The following SOX5 variants were observed in gnomAD, a reference collection of about 807,000 sequenced individuals.
SOX5 encodes the protein transcription factor SOX-5.
A neutral mutation model predicts 92.0 loss-of-function variants in SOX5; 9 were observed. That is an observed-to-expected ratio of 0.10 (90% CI 0.06 to 0.17). The LOEUF (loss-of-function observed/expected upper bound fraction) is 0.17, where lower values mean the gene tolerates loss of function less well. Among genes scored for constraint, SOX5 ranks in the 10% least tolerant of loss-of-function variants. The probability of loss-of-function intolerance (pLI) is 1.00; values close to 1 mark genes in which losing one functional copy is unlikely to be tolerated. For synonymous variants in SOX5, 344 were observed against 336.3 expected (o/e 1.02, Z -0.25); for missense variants, 642 against 944.5 (o/e 0.68, Z 4.20).
At chr12:23,970,558 C>T (rs527841969) in intron 4 of SOX5, among the ~76,000 whole-genome samples, 2 of 151,566 alleles carry the variant, frequency 1.3e-5, no homozygotes, top group East Asian at 3.9e-4. Flanking sequence ...GTATTTTTCT[C>T]TTGGTGTCTG....
chr12:24,187,825 A>T (rs369370506), intron 4 of SOX5, among the ~76,000 whole-genome samples: 22 of 152,308 alleles, frequency 1.4e-4, no homozygotes, highest in African/African-American at 5.3e-4. Flanking sequence ...ATCTCATAGA[A>T]TATGGGAAGC....
intron 1 of SOX5, among the ~76,000 whole-genome samples, chr12:24,443,511 T>C (rs933962030): frequency 6.6e-6 from 1 of 152,258 alleles, no homozygotes; most frequent in African/African-American, 2.4e-5. Flanking sequence ...GACAATTTAC[T>C]TCTTTACATA....
chr12:24,541,364 G>T (rs904310457), intron 1 of SOX5, among the ~76,000 whole-genome samples: 1 of 152,136 alleles, frequency 6.6e-6, no homozygotes, highest in Non-Finnish European at 1.5e-5. Context: ...GAAAATAAAC[G>T]AAGAAATGTC....
chr12:24,010,440 C>T (rs979913235), intron 4 of SOX5, among the ~76,000 whole-genome samples: 4 of 152,054 alleles, frequency 2.6e-5, no homozygotes, highest in African/African-American at 7.2e-5. Context: ...ATCTGATCCC[C>T]GTAAGAAAAA....
chr12:23,699,386 A>G (rs982282038), intron 6 of SOX5, among the ~76,000 whole-genome samples: 3 of 152,164 alleles, frequency 2.0e-5, no homozygotes, highest in East Asian at 3.9e-4. Context: ...TCTGGTTCCT[A>G]TATCTCTAAC....
intron 10 of SOX5, among the ~76,000 whole-genome samples, chr12:23,574,602 T>G (rs76673913): frequency 6.6e-6 from 1 of 152,162 alleles, no homozygotes; most frequent in African/African-American, 2.4e-5. Flanking sequence ...ATGTAACTTA[T>G]TCTTGTCCTA....
At chr12:24,392,744 A>G (rs1959125803) in intron 1 of SOX5, among the ~76,000 whole-genome samples, 1 of 152,194 alleles carries the variant, frequency 6.6e-6, no homozygotes, top group African/African-American at 2.4e-5. Context: ...TATTACTGGC[A>G]TTTATATTAA....
intron 1 of SOX5, among the ~76,000 whole-genome samples, chr12:23,912,665 A>C (rs1484883141): frequency 6.6e-6 from 1 of 152,212 alleles, no homozygotes; most frequent in Non-Finnish European, 1.5e-5. Flanking sequence ...ATAAAAAGGA[A>C]TGAAGTACTG....
At chr12:23,874,737 G>A (rs542220843) in intron 2 of SOX5, among the ~76,000 whole-genome samples, 22 of 152,262 alleles carry the variant, frequency 1.4e-4, no homozygotes, top group African/African-American at 4.8e-4. Flanking sequence ...ATACTCTCAT[G>A]GAGGGATATT....
intron 8 of SOX5, among the ~76,000 whole-genome samples, chr12:23,616,007 A>G (rs1289575211): frequency 6.6e-6 from 1 of 152,206 alleles, no homozygotes; most frequent in Non-Finnish European, 1.5e-5. Flanking sequence ...TGAATTTTTT[A>G]TATACTTACA....
At chr12:23,570,784 G>T (rs1299183252) in intron 10 of SOX5, among the ~76,000 whole-genome samples, 2 of 150,454 alleles carry the variant, frequency 1.3e-5, no homozygotes, top group East Asian at 1.9e-4. Context: ...GGTGGCAGGT[G>T]CCTATAGTCC....
intron 8 of SOX5, among the ~76,000 whole-genome samples, chr12:23,612,536 T>C (rs555247534): frequency 6.6e-6 from 1 of 152,246 alleles, no homozygotes; most frequent in South Asian, 2.1e-4. Flanking sequence ...TAATAGCACC[T>C]CCCAGGTCAA....
intron 7 of SOX5, among the ~76,000 whole-genome samples, chr12:23,660,961 A>C: frequency 6.6e-6 from 1 of 152,108 alleles, no homozygotes; most frequent in East Asian, 1.9e-4. Flanking sequence ...TAGCTACACC[A>C]CCCTGGGAAC....
intron 4 of SOX5, among the ~76,000 whole-genome samples, chr12:23,970,385 T>C (rs1166782345): frequency 6.6e-6 from 1 of 152,178 alleles, no homozygotes; most frequent in Non-Finnish European, 1.5e-5. Flanking sequence ...ACTACCACTA[T>C]CTGTTCTCGA....
intron 1 of SOX5, among the ~76,000 whole-genome samples, chr12:23,938,697 T>C (rs1229038485): frequency 6.6e-6 from 1 of 151,010 alleles, no homozygotes; most frequent in Non-Finnish European, 1.5e-5. Flanking sequence ...ATGTCCTATA[T>C]ATAAAATGAC....
intron 8 of SOX5, among the ~76,000 whole-genome samples, chr12:23,614,346 T>A (rs1194441713): frequency 6.6e-6 from 1 of 152,224 alleles, no homozygotes; most frequent in Non-Finnish European, 1.5e-5. Flanking sequence ...ACATTCCTTT[T>A]ACTTCTCTTT....
intron 3 of SOX5, among the ~76,000 whole-genome samples, chr12:23,807,848 A>C (rs1232688180): frequency 6.6e-6 from 1 of 151,792 alleles, no homozygotes; most frequent in African/African-American, 2.4e-5. Context: ...GGGTTTCACT[A>C]TGTTGGCCAG....
At chr12:23,940,668 G>T (rs1055545226) in intron 1 of SOX5, among the ~76,000 whole-genome samples, 4 of 149,892 alleles carry the variant, frequency 2.7e-5, no homozygotes, top group Non-Finnish European at 1.5e-5. Flanking sequence ...ATTTCCAAAA[G>T]AATCAATGAA....
At chr12:23,850,081 A>G (rs2096614981) in intron 2 of SOX5, among the ~76,000 whole-genome samples, 1 of 152,188 alleles carries the variant, frequency 6.6e-6, no homozygotes, top group Admixed American at 6.6e-5. Flanking sequence ...TTTGGTGCTC[A>G]ACAAGTTTTG....
Sources: allele counts gnomAD v4.1 joint callset (sites outside exome capture counted in the v4.1 genomes callset), GRCh38; gene constraint gnomAD v4.1.1; transcripts MANE v1.5; gene names NCBI Gene and HGNC (gene_info 2026-07-23, HGNC 2026-07-21).